Variants in FTO observed in about 807,000 individuals in gnomAD.
FTO encodes the protein FTO alpha-ketoglutarate dependent dioxygenase.
In FTO, 47 loss-of-function variants were observed where a neutral mutation model predicts 63.9. That is an observed-to-expected ratio of 0.74 (90% CI 0.58 to 0.94). The LOEUF (loss-of-function observed/expected upper bound fraction) is 0.94. Among genes scored for constraint, FTO ranks in the 40% least tolerant of loss-of-function variants. The probability of loss-of-function intolerance (pLI) is 0.00; values close to 1 mark genes in which losing one functional copy is unlikely to be tolerated. For missense variants in FTO, 562 were observed against 618.1 expected (o/e 0.91, Z 0.96); for synonymous variants, 207 against 224.4 (o/e 0.92, Z 0.69).
At chr16:53,926,819 G>T (rs1301538798) in intron 7 of FTO, among the ~76,000 whole-genome samples, 3 of 150,554 alleles carry the variant, frequency 2.0e-5, no homozygotes, top group African/African-American at 4.9e-5. Context: ...TATCAAAAGG[G>T]TTTTTTTTTT....
At chr16:53,881,416 ACTCT>A (rs1477781374) in intron 6 of FTO, among the ~76,000 whole-genome samples, 4 of 151,984 alleles carry the variant, frequency 2.6e-5, no homozygotes, top group African/African-American at 9.7e-5. Context: ...AGAGGGAGAA[ACTCT>A]CTCTGTCAAG....
chr16:53,747,167 G>C (rs1202639556), intron 1 of FTO, among the ~76,000 whole-genome samples: 1 of 152,146 alleles, frequency 6.6e-6, no homozygotes, highest in African/African-American at 2.4e-5. Context: ...AGTGAACATG[G>C]GAGTGCAGAC....
rs2085089097 is a variant in FTO, at chr16:54,042,015, ACCTGG to A, written c.1365-69745_1365-69741del. On this transcript the variant is annotated intron_variant, in intron 8 of 8. Coordinates refer to ENST00000471389, the MANE Select transcript of FTO (RefSeq NM_001080432.3). ...GTGACCTTCGGTTTCTAAATGTAGA[ACCTGG>A]CTGTGATCTCTGGGAAAGAGAAAGG... Among the ~76,000 whole-genome samples, 3 of 152,282 alleles carry A rather than the reference ACCTGG, an allele frequency of 2.0e-5. No homozygotes were observed. In the South Asian group the frequency reaches 6.2e-4, roughly 32 times the overall value.
At chr16:53,938,787 T>C (rs1034173879) in intron 8 of FTO, among the ~76,000 whole-genome samples, 17 of 152,140 alleles carry the variant, frequency 1.1e-4, no homozygotes, top group African/African-American at 4.1e-4. Flanking sequence ...ACTAGAATTG[T>C]TGTGTTACTG....
chr16:53,906,151 T>C (rs925508001), intron 7 of FTO, among the ~76,000 whole-genome samples: 3 of 152,230 alleles, frequency 2.0e-5, no homozygotes, highest in African/African-American at 7.2e-5. Context: ...CGATCTTGGC[T>C]GCATATTTGA....
intron 8 of FTO, among the ~76,000 whole-genome samples, chr16:53,947,606 G>A (rs569783917): frequency 3.9e-5 from 6 of 152,246 alleles, no homozygotes; most frequent in East Asian, 3.9e-4. Context: ...CTGATAAAGC[G>A]AGATTTCACT....
intron 8 of FTO, chr16:53,991,137 G>A (rs1191369242): frequency 6.6e-6 from 1 of 152,124 alleles, no homozygotes; most frequent in Non-Finnish European, 1.5e-5. Context: ...CACTGCCATA[G>A]GAAGACCACC....
chr16:53,774,674 T>C (rs1041866372), intron 1 of FTO, among the ~76,000 whole-genome samples: 1 of 152,116 alleles, frequency 6.6e-6, no homozygotes, highest in Non-Finnish European at 1.5e-5. Context: ...TGATATAAAG[T>C]CATCAGGAGG....
intron 8 of FTO, among the ~76,000 whole-genome samples, chr16:54,086,444 G>A (rs945560864): frequency 3.3e-5 from 5 of 152,196 alleles, no homozygotes; most frequent in African/African-American, 1.2e-4. Flanking sequence ...AAAATGCAAT[G>A]ATAGTCTGAA....
chr16:53,733,527 AAGG>A (rs2151518142), intron 1 of FTO, among the ~76,000 whole-genome samples: 1 of 152,328 alleles, frequency 6.6e-6, no homozygotes, highest in African/African-American at 2.4e-5. Flanking sequence ...CTCCTCAATG[AAGG>A]AGGATTCTTC....
chr16:53,959,380 C>T (rs1435465602), intron 8 of FTO, among the ~76,000 whole-genome samples: 1 of 152,118 alleles, frequency 6.6e-6, no homozygotes, highest in African/African-American at 2.4e-5. Context: ...TGTGGATGCC[C>T]ACAGCTCTAT....
chr16:54,002,835 C>CA (rs2084099304), intron 8 of FTO, among the ~76,000 whole-genome samples: 1 of 152,198 alleles, frequency 6.6e-6, no homozygotes, highest in Non-Finnish European at 1.5e-5. Flanking sequence ...TGCAGCCACT[C>CA]TGGAAAATAG....
chr16:53,721,168 T>C (rs553651154), intron 1 of FTO, among the ~76,000 whole-genome samples: 28 of 152,306 alleles, frequency 1.8e-4, no homozygotes, highest in Admixed American at 7.2e-4. Flanking sequence ...CCAATCACGT[T>C]GCTTCTCCCA....
chr16:53,983,179 T>A lies in FTO; in HGVS notation c.1364+49070T>A, dbSNP rs1599141585. ...ATATCATGAAGAATGATGGTTTTTC[T>A]CCATCCTAACGGTAAAAGAGTCAAG... is the stretch of plus-strand genomic sequence containing the variant. On this transcript the variant is annotated intron_variant, in intron 8 of 8. Coordinates refer to ENST00000471389, the MANE Select transcript of FTO (RefSeq NM_001080432.3). Among the ~76,000 whole-genome samples, 3 of 152,166 alleles carry A rather than the reference T, an allele frequency of 2.0e-5. No individual in the cohort carries two copies. The East Asian group carries it at 5.8e-4, about 29-fold the overall frequency.
chr16:53,774,278 C>T (rs1174478220), intron 1 of FTO, among the ~76,000 whole-genome samples: 1 of 152,144 alleles, frequency 6.6e-6, no homozygotes, highest in Non-Finnish European at 1.5e-5. Context: ...TGTGTCTCCT[C>T]CACCAGGTAA....
chr16:53,747,881 A>G (rs1218509418), intron 1 of FTO, among the ~76,000 whole-genome samples: 1 of 152,090 alleles, frequency 6.6e-6, no homozygotes, highest in Non-Finnish European at 1.5e-5. Context: ...TCTTTTGCAT[A>G]TGGATATCCA....
intron 4 of FTO, among the ~76,000 whole-genome samples, chr16:53,859,256 T>G (rs1281851220): frequency 1.3e-5 from 2 of 152,100 alleles, no homozygotes; most frequent in African/African-American, 4.8e-5. Context: ...CACTTCAACC[T>G]CCAATTTCTG....
At chr16:54,061,292 C>T (rs1018703459) in intron 8 of FTO, among the ~76,000 whole-genome samples, 1 of 152,152 alleles carries the variant, frequency 6.6e-6, no homozygotes, top group Non-Finnish European at 1.5e-5. Flanking sequence ...CTTGAGGGCT[C>T]TTCCATTGTA....
intron 8 of FTO, among the ~76,000 whole-genome samples, chr16:53,957,521 C>G (rs1413391502): frequency 6.6e-6 from 1 of 152,182 alleles, no homozygotes. Context: ...GTCTGTGACC[C>G]TACTGCTGGC....
Sources: allele counts gnomAD v4.1 joint callset (sites outside exome capture counted in the v4.1 genomes callset), GRCh38; gene constraint gnomAD v4.1.1; transcripts MANE v1.5; gene names NCBI Gene and HGNC (gene_info 2026-07-23, HGNC 2026-07-21).